The following REV3L variants were observed in gnomAD, a reference collection of about 807,000 sequenced individuals.
REV3L encodes the protein DNA polymerase zeta catalytic subunit.
Under a neutral mutation model 299.4 loss-of-function variants are expected in REV3L, and 69 were observed. The observed-to-expected ratio is 0.23, with a 90% CI of 0.19 to 0.28. The LOEUF (loss-of-function observed/expected upper bound fraction) is 0.28. Among genes scored for constraint, REV3L ranks in the 10% least tolerant of loss-of-function variants. The pLI is 1.00. For synonymous variants in REV3L, 1,238 were observed against 1,271.4 expected (o/e 0.97, Z 0.56); for missense variants, 3,128 against 3,693.8 (o/e 0.85, Z 3.97).
chr6:111,422,382 G>A (rs1040719684), intron 1 of REV3L, among the ~76,000 whole-genome samples: 1 of 151,402 alleles, frequency 6.6e-6, no homozygotes, highest in East Asian at 1.9e-4. Context: ...TAAAATATGT[G>A]CTTTCTTGTT....
chr6:111,395,367 CCACT>C (rs1782384323), intron 4 of REV3L, among the ~76,000 whole-genome samples: 1 of 152,090 alleles, frequency 6.6e-6, no homozygotes, highest in Non-Finnish European at 1.5e-5. Context: ...TTGTCTATTT[CCACT>C]GTCTACTTCA....
intron 21 of REV3L, among the ~76,000 whole-genome samples, chr6:111,336,375 T>C (rs1000134203): frequency 1.3e-5 from 2 of 152,150 alleles, no homozygotes; most frequent in African/African-American, 2.4e-5. Flanking sequence ...TTTAATTATA[T>C]TGCTTTTAGA....
intron 24 of REV3L, among the ~76,000 whole-genome samples, chr6:111,330,102 G>C (rs1775237619): frequency 6.6e-6 from 1 of 152,168 alleles, no homozygotes; most frequent in East Asian, 1.9e-4. Flanking sequence ...CATGGGACTT[G>C]TATCACTCAT....
At chr6:111,476,772 A>G (rs1018485371) in intron 1 of REV3L, among the ~76,000 whole-genome samples, 3 of 152,212 alleles carry the variant, frequency 2.0e-5, no homozygotes, top group Non-Finnish European at 2.9e-5. Flanking sequence ...TCATTTTGCA[A>G]TTTCTAAATG....
chr6:111,454,745 C>G (rs1460371721), intron 1 of REV3L, among the ~76,000 whole-genome samples: 1 of 152,218 alleles, frequency 6.6e-6, no homozygotes, highest in Non-Finnish European at 1.5e-5. Context: ...CGGCTCACCA[C>G]AACCTCCATC....
chr6:111,436,321 C>T (rs1787545932), intron 1 of REV3L, among the ~76,000 whole-genome samples: 1 of 152,132 alleles, frequency 6.6e-6, no homozygotes, highest in Non-Finnish European at 1.5e-5. Context: ...TATCTCTGTA[C>T]TCCCATGTTT....
Position 111,374,447 on chromosome 6 carries a change from T to G in REV3L, c.3908A>C (p.Lys1303Thr), listed in dbSNP as rs748905866. 6.2e-6 allele frequency: 10 copies of G among 1,614,068 alleles called. No individual in the cohort carries two copies. Among genetic ancestry groups the G allele is most frequent in the Admixed American group, 1.7e-5 (1 of 60,016 alleles). The change falls in exon 13 of 32, where the codon AAG (lysine) becomes ACG (threonine). Residue 1303 changes from lysine (K) to threonine (T), a missense_variant. By Grantham distance (78) the Lys-to-Thr change is moderately conservative. Transcript: ENST00000368802. ...SGCFSSFLESKKSVDLQTFPS... is the reference protein window; with the variant it reads ...SGCFSSFLESTKSVDLQTFPS... ...GAATGTCTGCAAATCTACAGACTTC[T>G]TGCTTTCTAAGAAAGAAGAAAAGCA...
In REV3L at chr6:111,380,066, T is replaced by A. The variant is rs1183921883; in HGVS notation, c.1370A>T (p.Gln457Leu). Residue 457 changes from glutamine (Q) to leucine (L), a missense_variant, in exon 11 of 32, where the codon CAG (glutamine) becomes CTG (leucine). This residue lies in a region of REV3L where 2,409 missense variants were observed against 2,611.8 expected (regional missense o/e 0.92). Coordinates refer to ENST00000368802, the MANE Select transcript of REV3L (RefSeq NM_001372078.1). The stretch of plus-strand genomic sequence containing the variant: ...AAGCTCCATTTCCTCTTTTTCAATC[T>A]GTGGTTCATTTTCTTCATCATCACT... ...QNSDDEENEPQIEKEEMELSL... is the reference protein window; with the variant it reads ...QNSDDEENEPLIEKEEMELSL... 6.2e-7 allele frequency: 1 copy of A among 1,613,984 alleles called. No homozygotes were observed. The highest frequency in any genetic ancestry group is 1.3e-5 in the African/African-American group (1 of 74,918).
chr6:111,391,292 C>T (rs887400676), intron 5 of REV3L, among the ~76,000 whole-genome samples: 2 of 152,112 alleles, frequency 1.3e-5, no homozygotes, highest in African/African-American at 4.8e-5. Context: ...TCTTGAACTC[C>T]TGACCTCAAG....
intron 25 of REV3L, among the ~76,000 whole-genome samples, chr6:111,322,997 T>TC (rs1774361888): frequency 6.6e-6 from 1 of 151,664 alleles, no homozygotes; most frequent in Non-Finnish European, 1.5e-5. Context: ...TCAAGAACTT[T>TC]TTTTTTTTTT....
chr6:111,373,225 A>G lies in REV3L; in HGVS notation c.5130T>C (p.His1710=), dbSNP rs773745337. ...DNQKCDEDKH[H]TTDSASWIRS... The stretch of plus-strand genomic sequence containing the variant: ...TAATCCATGAGGCTGAGTCTGTGGT[A>G]TGATGCTTGTCTTCATCACATTTCT... The change falls in exon 13 of 32, where the codon CAT becomes CAC. Residue 1710 remains histidine (H), a synonymous_variant. Transcript: ENST00000368802. 1.9e-6 allele frequency: 3 copies of G among 1,614,140 alleles called. No individual in the cohort carries two copies. Among genetic ancestry groups the G allele is most frequent in the South Asian group, 1.1e-5 (1 of 91,082 alleles).
intron 1 of REV3L, among the ~76,000 whole-genome samples, chr6:111,473,286 C>T (rs1217490336): frequency 6.6e-6 from 1 of 150,910 alleles, no homozygotes; most frequent in African/African-American, 2.4e-5. Context: ...GTCTCAAAAT[C>T]CTGGGCTCAG....
rs886771625 is a variant in REV3L, at chr6:111,407,481, C to T, written c.405-1851G>A. 4.6e-5 allele frequency among the ~76,000 whole-genome samples: 7 copies of T among 152,122 alleles called. No individual in the cohort carries two copies. The East Asian group carries it at 1.3e-3, about 29-fold the overall frequency. ...GAGAAAAACTAGAGGTGGTATATAT[C>T]ACAGAAGCTAACATTTAGGATTGTT... On this transcript the variant is annotated intron_variant, in intron 3 of 31. Coordinates refer to ENST00000368802, the MANE Select transcript of REV3L (RefSeq NM_001372078.1).
chr6:111,411,551 A>G lies in REV3L; in HGVS notation c.333T>C (p.Pro111=), dbSNP rs760713515. 9.0e-6 allele frequency: 14 copies of G among 1,555,488 alleles called. No individual in the cohort carries two copies. The Admixed American group carries it at 1.1e-4, about 12-fold the overall frequency. Residue 111 remains proline (P), a synonymous_variant, in exon 3 of 32, where the codon CCT becomes CCC. Coordinates refer to ENST00000368802, the MANE Select transcript of REV3L (RefSeq NM_001372078.1). ...TTTCCTTCTCATGATAACCATAAAA[A>G]GGCCTGAAATATAAGAAAAAAAATT... ...VFKVSLVSGM[P]FYGYHEKERH...
intron 1 of REV3L, among the ~76,000 whole-genome samples, chr6:111,421,063 G>A (rs1478869337): frequency 2.0e-5 from 3 of 152,160 alleles, no homozygotes; most frequent in Non-Finnish European, 4.4e-5. Context: ...GGGAGGCGGA[G>A]GTTGCAGTGA....
chr6:111,359,424 T>C (rs1322768452), intron 16 of REV3L, among the ~76,000 whole-genome samples: 1 of 150,362 alleles, frequency 6.7e-6, no homozygotes, highest in African/African-American at 2.4e-5. Flanking sequence ...TTTTTTAAAA[T>C]TCAAATTTCC....
rs138327252 is a variant in REV3L, at chr6:111,357,776, T to C, written c.7073-651A>G. On this transcript the variant is annotated intron_variant, in intron 17 of 31. Transcript: ENST00000368802. Reference sequence around the variant, plus strand: ...CTTTACTCTTCCTAGCAGGAGAGCTTTGCTTAGCACAGGACATTTTAATCT... The same window carrying C: ...CTTTACTCTTCCTAGCAGGAGAGCTCTGCTTAGCACAGGACATTTTAATCT... 1.3e-3 allele frequency among the ~76,000 whole-genome samples: 193 copies of C among 152,296 alleles called. 1 individual carries two copies. Among genetic ancestry groups the C allele is most frequent in the African/African-American group, 4.4e-3 (183 of 41,566 alleles).
chr6:111,339,008 T>C (rs1776217373), intron 21 of REV3L, among the ~76,000 whole-genome samples: 2 of 152,162 alleles, frequency 1.3e-5, no homozygotes, highest in South Asian at 4.1e-4. Flanking sequence ...TTTCAGTTTC[T>C]GTATGTGTGA....
Position 111,303,679 on chromosome 6 carries a change from TTTTTTTTTTAACAGACTATGAC to T in REV3L, c.9253-3545_9253-3524del, listed in dbSNP as rs1256303780. 8.5e-4 allele frequency among the ~76,000 whole-genome samples: 75 copies of T among 88,604 alleles called. 10 individuals carry two copies. The highest frequency in any genetic ancestry group is 2.1e-3 in the South Asian group (4 of 1,940). The allele number at this position is 88,604 out of a possible 152,430, so 58.1% of individuals were successfully genotyped here. Reference sequence around the variant, plus strand: ...ATGATCCCCAGCCGAGGCTTTTTTTTTTTTTTTTTAACAGACTATGACTTTTTTTTTTTTTTTTTTTTTTTTT... The same window carrying T: ...ATGATCCCCAGCCGAGGCTTTTTTTTTTTTTTTTTTTTTTTTTTTTTTTTT... On this transcript the variant is annotated intron_variant, in intron 31 of 31. Coordinates refer to ENST00000368802, the MANE Select transcript of REV3L (RefSeq NM_001372078.1).
Sources: gnomAD v4.1 joint callset for allele counts (sites outside exome capture counted in the v4.1 genomes callset) on GRCh38, gnomAD v4.1.1 for gene constraint, gnomAD v4.1.1 regional missense constraint, MANE v1.5 for transcripts, NCBI Gene and HGNC (gene_info 2026-07-23, HGNC 2026-07-21) for gene names.